The following IARS1 variants were observed in gnomAD, a reference collection of about 807,000 sequenced individuals.
The protein encoded by IARS1 is isoleucine--tRNA ligase, cytoplasmic.
Under a neutral mutation model 168.2 loss-of-function variants are expected in IARS1, and 124 were observed. The ratio of observed to expected loss-of-function variants is 0.74; its 90% CI spans 0.64 to 0.86. The LOEUF (loss-of-function observed/expected upper bound fraction) is 0.86, where lower values mean the gene tolerates loss of function less well. Ranked by LOEUF, IARS1 falls within the 40% of genes least tolerant of loss-of-function variation. IARS1 has a pLI of 0.00. For synonymous variants in IARS1, 532 were observed against 529.4 expected, an observed-to-expected ratio of 1.00 and a Z score of -0.07; for missense variants, 1,452 against 1,515.8, an observed-to-expected ratio of 0.96 and a Z score of 0.70.
chr9:92,243,388 T>A, intron 27 of IARS1, 77 bp from the exon 28 acceptor site: 1 of 967,420 alleles, frequency 1.0e-6, no homozygotes, highest in Non-Finnish European at 1.6e-6. Context: ...AAATGTTATT[T>A]AAATCTGGAG....
intron 25 of IARS1, among the ~76,000 whole-genome samples, chr9:92,247,825 A>G (rs1829447520): frequency 1.3e-5 from 2 of 152,254 alleles, no homozygotes; most frequent in African/African-American, 4.8e-5. Flanking sequence ...TACAAATTGT[A>G]TGATTCCACT....
At chr9:92,275,395 G>A (rs1833640688) in intron 9 of IARS1, among the ~76,000 whole-genome samples, 1 of 152,128 alleles carries the variant, frequency 6.6e-6, no homozygotes, top group African/African-American at 2.4e-5. Context: ...TCTTCTGGTT[G>A]CAAATACAAT....
intron 20 of IARS1, 125 bp downstream of exon 20, chr9:92,256,555 A>G (rs1587814986): frequency 1.0e-6 from 1 of 1,000,994 alleles, no homozygotes; most frequent in African/African-American, 1.6e-5. Context: ...AAACTATATG[A>G]GAGGTAAAAG....
intron 12 of IARS1, 31 bp from the exon 13 acceptor site, chr9:92,270,014 T>A (rs775274072): frequency 7.0e-7 from 1 of 1,421,230 alleles, no homozygotes; most frequent in Non-Finnish European, 1.0e-6. Context: ...ACATAGCTGC[T>A]CAGGCTGAGA....
chr9:92,264,877 CTAAA>C, intron 16 of IARS1, 48 bp downstream of exon 16: 1 of 1,495,136 alleles, frequency 6.7e-7, no homozygotes, highest in Admixed American at 1.9e-5. Context: ...AAAATACTCC[CTAAA>C]TAAAATAAAA....
chr9:92,271,213 TTAAG>T lies in IARS1; in HGVS notation c.1114-141_1114-138del, dbSNP rs1832979260. ...TATTTATTATTTTTAGTCACTAACT[TTAAG>T]TAATTTTCAAGTACATTCCACAACA... On this transcript the variant is annotated intron_variant, in intron 11 of 33. Transcript: ENST00000443024. The T allele has an allele frequency of 2.0e-5, 12 of 608,490 alleles. No individual in the cohort carries two copies. In the Admixed American group the frequency reaches 3.3e-4, roughly 17 times the overall value. The allele number at this position is 608,490 out of a possible 1,614,324, so 37.7% of individuals were successfully genotyped here.
intron 20 of IARS1, chr9:92,253,770 G>A (rs1190108731): frequency 1.4e-5 from 7 of 507,684 alleles, no homozygotes; most frequent in Admixed American, 2.3e-5. Flanking sequence ...CACAACTGTA[G>A]GAAGTGCCAT....
chr9:92,281,497 T>G (rs950939627), intron 6 of IARS1, among the ~76,000 whole-genome samples: 1 of 152,156 alleles, frequency 6.6e-6, no homozygotes, highest in African/African-American at 2.4e-5. Flanking sequence ...GTATTATGAT[T>G]ATCTATTTTG....
intron 33 of IARS1, among the ~76,000 whole-genome samples, chr9:92,217,233 A>G (rs1030950847): frequency 1.3e-5 from 2 of 151,916 alleles, no homozygotes; most frequent in Non-Finnish European, 2.9e-5. Context: ...AATGAGAACA[A>G]AGACACAACA....
Position 92,240,972 on chromosome 9 carries a change from G to A in IARS1, c.3178-11C>T, listed in dbSNP as rs1828307572. 1 of 1,522,770 alleles carries A rather than the reference G, an allele frequency of 6.6e-7. No individual in the cohort carries two copies. The highest frequency in any genetic ancestry group is 9.1e-7 in the Non-Finnish European group (1 of 1,097,496). The allele number at this position is 1,522,770 out of a possible 1,614,324, so 94.3% of individuals were successfully genotyped here. A position where few individuals can be genotyped will look rare whatever the true frequency, so the allele number is the denominator to read the frequency against. ...TTCAGATCCCTTCAACTGAGCACATGAGAACGTATGACTGAGTAACTGTGG... is the reference window on the plus strand; with the variant it reads ...TTCAGATCCCTTCAACTGAGCACATAAGAACGTATGACTGAGTAACTGTGG... On this transcript the variant is annotated splice_polypyrimidine_tract_variant and intron_variant, in intron 29 of 33. Coordinates refer to ENST00000443024, the MANE Select transcript of IARS1 (RefSeq NM_002161.6).
At chr9:92,241,053 C>T in intron 29 of IARS1, 92 bp from the exon 30 acceptor site, 1 of 731,874 alleles carries the variant, frequency 1.4e-6, no homozygotes, top group South Asian at 1.5e-5. Context: ...TCAGTAACAA[C>T]AAGAGCTGTA....
At chr9:92,216,352 A>G (rs1012050321) in intron 33 of IARS1, among the ~76,000 whole-genome samples, 3 of 151,716 alleles carry the variant, frequency 2.0e-5, no homozygotes, top group African/African-American at 7.3e-5. Context: ...GACTAGGAAG[A>G]AACTACATCA....
intron 9 of IARS1, among the ~76,000 whole-genome samples, chr9:92,277,443 T>C (rs1339494348): frequency 1.3e-5 from 2 of 151,954 alleles, no homozygotes; most frequent in East Asian, 3.9e-4. Context: ...CCCAGCCAGG[T>C]GCAGTGGCTC....
In IARS1 at chr9:92,287,836, G is replaced by A; in HGVS notation, c.351C>T (p.Asn117=). ...TCATCACAATTGCTCGGCACTGATTGTTATACTCTGTAATCCCCATTTTGG... is the reference window on the plus strand; with the variant it reads ...TCATCACAATTGCTCGGCACTGATTATTATACTCTGTAATCCCCATTTTGG... ...DVAKMGITEY[N]NQCRAIVMRY... The change falls in exon 4 of 34, where the codon AAC becomes AAT. Residue 117 remains asparagine, a synonymous_variant. Transcript: ENST00000443024. 1.2e-6 allele frequency: 2 copies of A among 1,613,824 alleles called. No homozygotes were observed. The highest frequency in any genetic ancestry group is 1.7e-6 in the Non-Finnish European group (2 of 1,179,900).
At chr9:92,279,007 A>T (rs1465892254) in intron 7 of IARS1, among the ~76,000 whole-genome samples, 3 of 152,190 alleles carry the variant, frequency 2.0e-5, no homozygotes, top group East Asian at 3.8e-4. Context: ...TCCTAGGAAA[A>T]GAAAAGCTGG....
chr9:92,281,947 A>G (rs10119535), intron 6 of IARS1, among the ~76,000 whole-genome samples: 42,828 of 151,840 alleles, frequency 0.28, 7,861 homozygotes, highest in African/African-American at 0.51. Context: ...GAAGCACACA[A>G]TGTAGGTCTT....
At chr9:92,290,490 C>T (rs1247813823) in intron 1 of IARS1, among the ~76,000 whole-genome samples, 3 of 152,144 alleles carry the variant, frequency 2.0e-5, no homozygotes, top group East Asian at 3.9e-4. Context: ...GTTCTGTGGG[C>T]CGTCTTTTTA....
intron 1 of IARS1, 163 bp downstream of exon 1, chr9:92,293,448 A>G (rs371972939): frequency 4.5e-5 from 24 of 532,540 alleles, no homozygotes; most frequent in African/African-American, 4.1e-4. Flanking sequence ...TACCTCATTC[A>G]AAAAGGCGAC....
chr9:92,263,115 A>G (rs1398621940), intron 16 of IARS1, 60 bp from the exon 17 acceptor site: 1 of 1,136,696 alleles, frequency 8.8e-7, no homozygotes, highest in Admixed American at 1.9e-5. Flanking sequence ...CATAAGAAAG[A>G]AACTGTATTT....
Sources: allele counts gnomAD v4.1 joint callset (sites outside exome capture counted in the v4.1 genomes callset), GRCh38; gene constraint gnomAD v4.1.1; transcripts MANE v1.5; gene names NCBI Gene and HGNC (gene_info 2026-07-23, HGNC 2026-07-21).